Variants in SIK3 observed in about 807,000 individuals in gnomAD.
SIK3 encodes the protein SIK family kinase 3.
A neutral mutation model predicts 144.2 loss-of-function variants in SIK3; 28 were observed. The ratio of observed to expected loss-of-function variants is 0.19; its 90% CI spans 0.14 to 0.27. SIK3 has a LOEUF of 0.27. Ranked by LOEUF, SIK3 falls within the 10% of genes least tolerant of loss-of-function variation. SIK3 has a pLI of 1.00. For missense variants in SIK3, 1,319 were observed against 1,776.0 expected (o/e 0.74, Z 4.62); for synonymous variants, 686 against 676.3 (o/e 1.01, Z -0.22).
intron 12 of SIK3, 58 bp from the exon 13 acceptor site, chr11:116,873,694 G>C: frequency 6.6e-7 from 1 of 1,514,008 alleles, no homozygotes; most frequent in Non-Finnish European, 8.8e-7. Context: ...CGGGGAGAAA[G>C]GGGCAAGCCA....
intron 3 of SIK3, among the ~76,000 whole-genome samples, chr11:116,953,524 G>A (rs566601973): frequency 5.6e-4 from 86 of 152,320 alleles, no homozygotes; most frequent in African/African-American, 1.9e-3. Flanking sequence ...AGTGTGAGAG[G>A]AAAATATAGC....
At chr11:117,078,234 A>T (rs1175352914) in intron 1 of SIK3, among the ~76,000 whole-genome samples, 1 of 152,144 alleles carries the variant, frequency 6.6e-6, no homozygotes, top group Non-Finnish European at 1.5e-5. Flanking sequence ...AGAATTTCTG[A>T]TGTTCTACAG....
At chr11:117,034,738 G>C (rs1166967064) in intron 1 of SIK3, among the ~76,000 whole-genome samples, 1 of 152,100 alleles carries the variant, frequency 6.6e-6, no homozygotes, top group East Asian at 1.9e-4. Flanking sequence ...AAACTTTACA[G>C]AGTTACCTGG....
At chr11:116,992,986 A>G (rs994696229) in intron 1 of SIK3, among the ~76,000 whole-genome samples, 4 of 152,224 alleles carry the variant, frequency 2.6e-5, no homozygotes, top group African/African-American at 9.6e-5. Context: ...TTCTGTCTCA[A>G]AAAAGTATCT....
intron 4 of SIK3, among the ~76,000 whole-genome samples, chr11:116,922,946 T>C (rs1252848299): frequency 7.4e-6 from 1 of 134,730 alleles, no homozygotes; most frequent in African/African-American, 2.8e-5. Context: ...AGATGGAGTC[T>C]CGCTCTCTCA....
intron 21 of SIK3, chr11:116,855,751 CCT>C (rs1374557288): frequency 6.6e-6 from 1 of 152,194 alleles, no homozygotes; most frequent in Admixed American, 6.5e-5. Flanking sequence ...TTCAGCTGCC[CCT>C]GACTACCTCT....
rs35378097 is a variant in SIK3, at chr11:116,886,122, GT to G, written c.866-9081del. Among the ~76,000 whole-genome samples the G allele has an allele frequency of 2.5e-3, 386 of 152,286 alleles. 4 individuals carry two copies. The East Asian group carries it at 0.032, about 13-fold the overall frequency. ...GGGCAGTACCACTATTTATCTACTG[GT>G]TTTTAGTTATGTTAGGTCATGGGAA... On this transcript the variant is annotated intron_variant, in intron 6 of 24. Coordinates refer to ENST00000445177, the MANE Select transcript of SIK3 (RefSeq NM_001366686.3).
intron 1 of SIK3, among the ~76,000 whole-genome samples, chr11:117,087,768 C>G (rs1427313492): frequency 1.3e-5 from 2 of 152,284 alleles, no homozygotes; most frequent in East Asian, 3.9e-4. Context: ...GCATGTGTTC[C>G]CTTTGGCACG....
intron 1 of SIK3, among the ~76,000 whole-genome samples, chr11:116,970,070 G>A (rs1382000149): frequency 1.3e-5 from 2 of 152,166 alleles, no homozygotes; most frequent in Admixed American, 6.6e-5. Flanking sequence ...AAGCCCAGGA[G>A]CTTCAGACCA....
chr11:116,929,251 C>T (rs1313397349), intron 3 of SIK3, among the ~76,000 whole-genome samples: 3 of 152,128 alleles, frequency 2.0e-5, no homozygotes, highest in African/African-American at 7.2e-5. Flanking sequence ...GTTGCTAAAC[C>T]TTGTCTAATT....
intron 1 of SIK3, among the ~76,000 whole-genome samples, chr11:117,076,219 GAACACTTCCTACC>G (rs1954531364): frequency 1.3e-5 from 2 of 152,008 alleles, no homozygotes. Flanking sequence ...CTCTAAATCA[GAACACTTCCTACC>G]TTCAGGGCCT....
In SIK3 at chr11:116,867,808, C is replaced by T; in HGVS notation, c.1952+138G>A. 2 of 868,940 alleles carry T rather than the reference C, an allele frequency of 2.3e-6. No individual in the cohort carries two copies. Among genetic ancestry groups the T allele is most frequent in the East Asian group, 2.8e-5 (1 of 35,840 alleles). 53.8% of individuals were successfully genotyped at this position (868,940 alleles called of 1,614,324 possible). A position where few individuals can be genotyped will look rare whatever the true frequency, so the allele number is the denominator to read the frequency against. On this transcript the variant is annotated intron_variant, in intron 15 of 24. Transcript: ENST00000445177. The surrounding 1 kb of genome is among the most constrained non-coding windows in gnomAD (Gnocchi z 4.1). Reference sequence around the variant, plus strand: ...CCTGTGCATTGCTTACTGCAAGGAGCTGAGAAGATGTGAGTTCAGGATGAC... The same window carrying T: ...CCTGTGCATTGCTTACTGCAAGGAGTTGAGAAGATGTGAGTTCAGGATGAC...
At chr11:117,086,651 A>C (rs902107227) in intron 1 of SIK3, among the ~76,000 whole-genome samples, 3 of 151,584 alleles carry the variant, frequency 2.0e-5, no homozygotes, top group Non-Finnish European at 4.4e-5. Flanking sequence ...AGACTGCGCC[A>C]CTGCACTCCA....
chr11:117,058,074 A>T (rs1953619286), intron 1 of SIK3, among the ~76,000 whole-genome samples: 1 of 152,218 alleles, frequency 6.6e-6, no homozygotes, highest in African/African-American at 2.4e-5. Context: ...ACATGCCAAG[A>T]AAAAAGGTGT....
intron 1 of SIK3, among the ~76,000 whole-genome samples, chr11:117,096,164 T>C (rs756025373): frequency 3.9e-5 from 6 of 152,240 alleles, no homozygotes; most frequent in Non-Finnish European, 5.9e-5. Context: ...GTCTCTTTTA[T>C]ATTAAAGCCA....
intron 3 of SIK3, among the ~76,000 whole-genome samples, chr11:116,946,370 C>T (rs1183077300): frequency 6.6e-6 from 1 of 151,170 alleles, no homozygotes; most frequent in African/African-American, 2.5e-5. Flanking sequence ...TTGTCACTTA[C>T]GGCACAGCAA....
Position 116,846,631 on chromosome 11 carries a change from T to C in SIK3, c.3953-78A>G, listed in dbSNP as rs1289599943. The C allele has an allele frequency of 1.7e-5, 26 of 1,546,100 alleles. No homozygotes were observed. The highest frequency in any genetic ancestry group is 2.2e-5 in the Non-Finnish European group (25 of 1,129,242). On this transcript the variant is annotated intron_variant, in intron 23 of 24. Transcript: ENST00000445177. The surrounding 1 kb of genome is among the most constrained non-coding windows in gnomAD (Gnocchi z 4.1). ...GAGCAAGGGGGAGAGAGAGGAGGAA[T>C]TGAAGGCAACCTGTCGAGCATCCCA... is the stretch of plus-strand genomic sequence containing the variant.
chr11:116,982,028 AG>A (rs1950156055), intron 1 of SIK3, among the ~76,000 whole-genome samples: 1 of 152,246 alleles, frequency 6.6e-6, no homozygotes, highest in African/African-American at 2.4e-5. Context: ...ATCACATGGG[AG>A]GCTTCTTTCC....
At position 116,846,708 on chromosome 11, in the gene SIK3, T is replaced by G. The variant is rs892842892; in HGVS notation, c.3953-155A>C. Reference sequence around the variant, plus strand: ...AGCTCACAGCAGGCCCTCAAGGTGTTGAGTGACGATGGGCGGGGGCCAAGA... The same window carrying G: ...AGCTCACAGCAGGCCCTCAAGGTGTGGAGTGACGATGGGCGGGGGCCAAGA... On this transcript the variant is annotated intron_variant, in intron 23 of 24. Coordinates refer to ENST00000445177, the MANE Select transcript of SIK3 (RefSeq NM_001366686.3). The surrounding 1 kb of genome is among the most constrained non-coding windows in gnomAD (Gnocchi z 4.1). 7.9e-5 allele frequency among the ~76,000 whole-genome samples: 12 copies of G among 152,144 alleles called. No homozygotes were observed. The highest frequency in any genetic ancestry group is 2.7e-4 in the African/African-American group (11 of 41,422).
Sources: gnomAD v4.1 joint callset for allele counts (sites outside exome capture counted in the v4.1 genomes callset) on GRCh38, gnomAD v4.1.1 for gene constraint, Gnocchi (gnomAD v3.1) non-coding constraint, MANE v1.5 for transcripts, NCBI Gene and HGNC (gene_info 2026-07-23, HGNC 2026-07-21) for gene names.